Variants in HEXA observed in about 807,000 individuals in gnomAD.
The protein encoded by HEXA is hexosaminidase subunit alpha, also known as beta-hexosaminidase subunit alpha.
A neutral mutation model predicts 73.3 loss-of-function variants in HEXA; 54 were observed. That is an observed-to-expected ratio of 0.74 (90% confidence interval 0.59 to 0.92). HEXA has a LOEUF of 0.92. HEXA is among the 40% of genes least tolerant of loss of function. HEXA has a pLI of 0.00. For missense variants in HEXA, 649 were observed against 653.0 expected, an observed-to-expected ratio of 0.99 and a Z score of 0.07; for synonymous variants, 230 against 246.9, an observed-to-expected ratio of 0.93 and a Z score of 0.64.
intron 3 of HEXA, chr15:72,353,968 C>T (rs2088738167): frequency 3.3e-6 from 2 of 604,330 alleles, no homozygotes; most frequent in African/African-American, 3.7e-5. Context: ...GTTTTAGTGC[C>T]CTTCCTTACA....
intron 1 of HEXA, chr15:72,370,696 T>C (rs1316811401): frequency 6.5e-6 from 1 of 154,612 alleles, no homozygotes; most frequent in Non-Finnish European, 1.1e-5. Flanking sequence ...GACCTGTTTC[T>C]TAAAAAAAAA....
chr15:72,351,300 T>C (rs758259959), intron 5 of HEXA, 66 bp from the exon 6 acceptor site: 9 of 1,097,624 alleles, frequency 8.2e-6, no homozygotes, highest in African/African-American at 1.5e-5. Context: ...AAACTTGCGA[T>C]GTTGGGCGAG....
chr15:72,355,093 T>C (rs925797821), intron 3 of HEXA: 6 of 214,092 alleles, frequency 2.8e-5, no homozygotes, highest in African/African-American at 1.4e-4. Context: ...ACCTAGAACA[T>C]CAGCCCACAG....
chr15:72,361,427 A>C (rs1212763709), intron 1 of HEXA, among the ~76,000 whole-genome samples: 1 of 152,184 alleles, frequency 6.6e-6, no homozygotes, highest in African/African-American at 2.4e-5. Context: ...CACTCTCCCT[A>C]GACAATGTCA....
intron 8 of HEXA, 66 bp from the exon 9 acceptor site, chr15:72,348,200 G>A: frequency 9.4e-6 from 10 of 1,061,974 alleles, no homozygotes; most frequent in Non-Finnish European, 1.5e-5. Context: ...CTGGGGATTA[G>A]TCACCTGGCC....
intron 1 of HEXA, among the ~76,000 whole-genome samples, chr15:72,367,057 C>T (rs1378142837): frequency 6.6e-6 from 1 of 152,136 alleles, no homozygotes. Flanking sequence ...GATTCTGCTG[C>T]CTCAGCCTCC....
chr15:72,345,970 G>A (rs1179202039), intron 12 of HEXA: 2 of 558,916 alleles, frequency 3.6e-6, no homozygotes, highest in Non-Finnish European at 6.4e-6. Context: ...ACTCACCTAT[G>A]TTCTCCAGGC....
At chr15:72,364,971 A>G (rs1319261011) in intron 1 of HEXA, among the ~76,000 whole-genome samples, 1 of 151,820 alleles carries the variant, frequency 6.6e-6, no homozygotes, top group Non-Finnish European at 1.5e-5. Context: ...ACAAGCGTGC[A>G]CCAGCATGTC....
chr15:72,356,717 T>A, intron 1 of HEXA, 100 bp from the exon 2 acceptor site: 2 of 1,555,566 alleles, frequency 1.3e-6, no homozygotes, highest in Non-Finnish European at 1.7e-6. Flanking sequence ...ACGCCTGTGG[T>A]AAAGGAAAGG....
intron 1 of HEXA, among the ~76,000 whole-genome samples, chr15:72,365,062 GC>G (rs2088898501): frequency 6.6e-6 from 1 of 151,410 alleles, no homozygotes; most frequent in Non-Finnish European, 1.5e-5. Context: ...TTGGCCTCAA[GC>G]ATTTCTTTGC....
chr15:72,348,120 T>TTCCTCATAAAGTC lies in HEXA; in HGVS notation c.1000_1001insGACTTTATGAGGA (p.Glu334GlyfsTer17). On this transcript the variant is annotated frameshift_variant, in exon 9 of 14. Transcript: ENST00000268097. LOFTEE classifies it high-confidence loss of function. Reference sequence around the variant, plus strand: ...TTTCTTCCTCATAAAGTCCTGGATCTCTGGGTTGGACTTCCTGAATCCCAA... The same window carrying TTCCTCATAAAGTC: ...TTTCTTCCTCATAAAGTCCTGGATCTTCCTCATAAAGTCCTGGGTTGGACTTCCTGAATCCCAA... 1 of 1,611,962 alleles carries TTCCTCATAAAGTC rather than the reference T, an allele frequency of 6.2e-7. No homozygotes were observed. Among genetic ancestry groups the TTCCTCATAAAGTC allele is most frequent in the Non-Finnish European group, 8.5e-7 (1 of 1,178,012 alleles).
chr15:72,344,852 G>C (rs2088589295), intron 13 of HEXA, among the ~76,000 whole-genome samples: 1 of 152,206 alleles, frequency 6.6e-6, no homozygotes, highest in African/African-American at 2.4e-5. Flanking sequence ...GCACATCCCT[G>C]ACAGAGGCAA....
chr15:72,375,449 A>G (rs1000740267), intron 1 of HEXA, among the ~76,000 whole-genome samples: 4 of 152,190 alleles, frequency 2.6e-5, no homozygotes, highest in Admixed American at 2.6e-4. Context: ...TCACAGTCTC[A>G]CTAGGACCCT....
At chr15:72,368,041 T>A (rs2088940924) in intron 1 of HEXA, among the ~76,000 whole-genome samples, 2 of 152,170 alleles carry the variant, frequency 1.3e-5, no homozygotes, top group Non-Finnish European at 2.9e-5. Context: ...GACGGGGAAG[T>A]TCAATTTAAT....
chr15:72,355,401 C>G, intron 3 of HEXA, 158 bp downstream of exon 3: 1 of 691,632 alleles, frequency 1.4e-6, no homozygotes, highest in African/African-American at 1.8e-5. Context: ...TGGCAGGCAC[C>G]TGTAATCCCA....
At chr15:72,351,439 T>A (rs2088695085) in intron 5 of HEXA, 10 of 632,272 alleles carry the variant, frequency 1.6e-5, no homozygotes, top group Non-Finnish European at 2.9e-5. Context: ...ACACTTCTAC[T>A]TTTCCCAGAA....
chr15:72,359,628 G>A (rs979835860), intron 1 of HEXA: 2 of 144,648 alleles, frequency 1.4e-5, no homozygotes, highest in Non-Finnish European at 3.0e-5. Context: ...CCCAAGAGAC[G>A]GAGGCTACAG....
chr15:72,362,230 C>A, intron 1 of HEXA: 1 of 221,578 alleles, frequency 4.5e-6, no homozygotes. Flanking sequence ...AATTAAGAAA[C>A]AGCTCTATTT....
At chr15:72,372,276 G>A (rs1301870822) in intron 1 of HEXA, among the ~76,000 whole-genome samples, 2 of 151,868 alleles carry the variant, frequency 1.3e-5, no homozygotes, top group East Asian at 1.9e-4. Flanking sequence ...TTGAACCCAG[G>A]AGGTGGAGGT....
Sources: allele counts gnomAD v4.1 joint callset (sites outside exome capture counted in the v4.1 genomes callset), GRCh38; gene constraint gnomAD v4.1.1; transcripts MANE v1.5; gene names NCBI Gene and HGNC (gene_info 2026-07-23, HGNC 2026-07-21).